Variants in GPD2 observed in about 807,000 individuals in gnomAD.
The protein encoded by GPD2 is glycerol-3-phosphate dehydrogenase 2.
Under a neutral mutation model 82.4 loss-of-function variants are expected in GPD2, and 54 were observed. That is an observed-to-expected ratio of 0.66 (90% CI 0.53 to 0.82). GPD2 has a LOEUF of 0.82. GPD2 is among the 40% of genes least tolerant of loss of function. GPD2 has a pLI of 0.00. For missense variants in GPD2, 748 were observed against 896.2 expected (o/e 0.83, Z 2.11); for synonymous variants, 288 against 306.1 (o/e 0.94, Z 0.62).
intron 2 of GPD2, among the ~76,000 whole-genome samples, chr2:156,484,134 C>A (rs1683842470): frequency 1.3e-5 from 2 of 151,938 alleles, no homozygotes. Flanking sequence ...TTTCCACTCC[C>A]CTCCCCGACT....
chr2:156,539,439 C>G (rs1162866869), intron 6 of GPD2, among the ~76,000 whole-genome samples: 1 of 152,112 alleles, frequency 6.6e-6, no homozygotes, highest in Non-Finnish European at 1.5e-5. Context: ...TGTAAATGCC[C>G]TAGTACACAT....
chr2:156,519,617 C>T (rs1350833385), intron 6 of GPD2, among the ~76,000 whole-genome samples: 1 of 152,180 alleles, frequency 6.6e-6, no homozygotes, highest in Admixed American at 6.5e-5. Context: ...ACGTGTAACA[C>T]GTATGTAAGT....
At chr2:156,474,995 G>A (rs1683456956) in intron 1 of GPD2, among the ~76,000 whole-genome samples, 1 of 151,680 alleles carries the variant, frequency 6.6e-6, no homozygotes, top group South Asian at 2.1e-4. Flanking sequence ...ATGGCGGCAT[G>A]CACTTGGTAG....
intron 6 of GPD2, among the ~76,000 whole-genome samples, chr2:156,541,820 G>GTTTTTT (rs1397587048): frequency 4.5e-4 from 15 of 33,698 alleles, no homozygotes; most frequent in East Asian, 2.2e-3. Context: ...ATAAAATGCT[G>GTTTTTT]TTTGTTTTTT....
chr2:156,402,438 C>T, the GPD2 span, among the ~76,000 whole-genome samples: 1 of 152,092 alleles, frequency 6.6e-6, no homozygotes, highest in Admixed American at 6.5e-5. Flanking sequence ...AGACTACAAT[C>T]CTAAATAACC....
rs537600458 is a variant in GPD2 at position 156,517,526 on chromosome 2, A to G, written c.661+4030A>G. On this transcript the variant is annotated intron_variant, in intron 6 of 16. Transcript: ENST00000438166. ...GTTAGAGTAATCATATAGTCAACTC[A>G]CTGGTTTTCTGACTGAGACATGTCC... Among the ~76,000 whole-genome samples, 14 of 152,288 alleles carry G rather than the reference A, an allele frequency of 9.2e-5. No homozygotes were observed. The South Asian group carries it at 2.7e-3, about 29-fold the overall frequency.
At chr2:156,536,049 T>C (rs185771729) in intron 6 of GPD2, among the ~76,000 whole-genome samples, 1 of 152,376 alleles carries the variant, frequency 6.6e-6, no homozygotes, top group Non-Finnish European at 1.5e-5. Context: ...CTTTGACAAA[T>C]CGCATTTTGA....
At chr2:156,568,107 C>A (rs1200737408) in intron 9 of GPD2, among the ~76,000 whole-genome samples, 1 of 152,094 alleles carries the variant, frequency 6.6e-6, no homozygotes. Context: ...AGAATATGGA[C>A]CTTAAACTCA....
intron 2 of GPD2, among the ~76,000 whole-genome samples, chr2:156,482,027 G>A (rs1683751234): frequency 1.3e-5 from 2 of 152,176 alleles, no homozygotes; most frequent in Non-Finnish European, 2.9e-5. Flanking sequence ...TTAAAAAGCA[G>A]TGAAGCCTGG....
the GPD2 span, among the ~76,000 whole-genome samples, chr2:156,408,711 TAAAAAAA>T: frequency 1.2e-5 from 1 of 82,050 alleles, no homozygotes; most frequent in Non-Finnish European, 2.5e-5. Flanking sequence ...CTGCACCTGG[TAAAAAAA>T]AAAAAAAAAA....
chr2:156,494,336 T>G (rs74809005), intron 2 of GPD2, among the ~76,000 whole-genome samples: 4,409 of 152,316 alleles, frequency 0.029, 103 homozygotes, highest in Non-Finnish European at 0.047. Flanking sequence ...AGACTGAGGA[T>G]AATCCAAAGA....
At chr2:156,495,825 C>T in intron 2 of GPD2, 2 of 533,098 alleles carry the variant, frequency 3.8e-6, no homozygotes, top group Non-Finnish European at 3.4e-6. Context: ...ACCAGGTGTC[C>T]TATGGCTAAA....
chr2:156,570,016 G>A (rs1687554856), intron 11 of GPD2, 71 bp from the exon 12 acceptor site: 4 of 1,292,636 alleles, frequency 3.1e-6, no homozygotes, highest in Middle Eastern at 5.2e-4. Flanking sequence ...ATAAGCATGT[G>A]TGCTTTTTGC....
intron 2 of GPD2, among the ~76,000 whole-genome samples, chr2:156,491,511 T>C (rs562576066): frequency 1.9e-4 from 29 of 152,366 alleles, no homozygotes; most frequent in African/African-American, 6.3e-4. Context: ...TAGCTTGTTC[T>C]CTTTTATTTC....
At chr2:156,571,807 T>C (rs1003768962) in intron 13 of GPD2, among the ~76,000 whole-genome samples, 2 of 151,912 alleles carry the variant, frequency 1.3e-5, no homozygotes, top group African/African-American at 4.8e-5. Flanking sequence ...ACATACAGGG[T>C]TAGGCTAAGT....
rs542889972 is a variant in GPD2, at chr2:156,449,831, C to T, written c.-9+13318C>T. ...TTCGAGACCAGCCTGGCCAATATGG[C>T]AAAACTCCATCTCTACTAAATATAC... On this transcript the variant is annotated intron_variant, in intron 1 of 16. Transcript: ENST00000438166. Among the ~76,000 whole-genome samples the T allele has an allele frequency of 1.5e-4, 20 of 131,466 alleles. No homozygotes were observed. The Admixed American group carries it at 1.8e-3, about 12-fold the overall frequency. The allele number at this position is 131,466 out of a possible 152,430, so 86.2% of individuals were successfully genotyped here. A position where few individuals can be genotyped will look rare whatever the true frequency, so the allele number is the denominator to read the frequency against.
chr2:156,423,774 T>C, the GPD2 span, among the ~76,000 whole-genome samples: 1 of 152,220 alleles, frequency 6.6e-6, no homozygotes, highest in Non-Finnish European at 1.5e-5. Flanking sequence ...GCCCCATTCC[T>C]TGTTGTTGCA....
At chr2:156,579,416 C>T (rs1687949247) in intron 15 of GPD2, among the ~76,000 whole-genome samples, 1 of 150,678 alleles carries the variant, frequency 6.6e-6, no homozygotes, top group Non-Finnish European at 1.5e-5. Context: ...GTAACCTCCT[C>T]CTCCTGGGTT....
At chr2:156,529,379 T>G (rs1313078453) in intron 6 of GPD2, among the ~76,000 whole-genome samples, 15 of 138,950 alleles carry the variant, frequency 1.1e-4, no homozygotes, top group East Asian at 2.1e-4. Flanking sequence ...TTTCTCCCAT[T>G]TTGTAGGTTG....
Sources: gnomAD v4.1 joint callset for allele counts (sites outside exome capture counted in the v4.1 genomes callset) on GRCh38, gnomAD v4.1.1 for gene constraint, MANE v1.5 for transcripts, NCBI Gene and HGNC (gene_info 2026-07-23, HGNC 2026-07-21) for gene names.